DNAL1: variants seen among roughly 807,000 people sequenced by gnomAD.
DNAL1 encodes chromosome 14 open reading frame 168.
Under a neutral mutation model 29.4 loss-of-function variants are expected in DNAL1, and 17 were observed. The ratio of observed to expected loss-of-function variants is 0.58; its 90% CI spans 0.40 to 0.87. DNAL1 has a LOEUF of 0.87. Among genes scored for constraint, DNAL1 ranks in the 40% least tolerant of loss-of-function variants. DNAL1 has a pLI of 0.00. For synonymous variants in DNAL1, 78 were observed against 76.3 expected (o/e 1.02, Z -0.12); for missense variants, 188 against 214.1 (o/e 0.88, Z 0.76).
At chr14:73,653,707 G>A (rs890622303) in intron 1 of DNAL1, among the ~76,000 whole-genome samples, 1 of 152,090 alleles carries the variant, frequency 6.6e-6, no homozygotes, top group Non-Finnish European at 1.5e-5. Context: ...GATTCGTCTT[G>A]AAGAATTGAT....
chr14:73,690,625 C>T (rs1378425758), intron 7 of DNAL1, among the ~76,000 whole-genome samples: 1 of 150,278 alleles, frequency 6.7e-6, no homozygotes, highest in East Asian at 2.0e-4. Flanking sequence ...ACACTCCAGC[C>T]TAGGCAACAA....
intron 2 of DNAL1, among the ~76,000 whole-genome samples, chr14:73,655,385 C>T (rs939102434): frequency 5.3e-5 from 8 of 149,606 alleles, no homozygotes; most frequent in African/African-American, 2.0e-4. Context: ...GCTCTTGTCG[C>T]CCAGGCTGGA....
Position 73,699,323 on chromosome 14 carries a change from T to G in DNAL1, c.*3381T>G, listed in dbSNP as rs1892375136. The G allele has an allele frequency of 6.6e-6, 1 of 151,274 alleles. No individual in the cohort carries two copies. The highest frequency in any genetic ancestry group is 2.1e-4 in the South Asian group (1 of 4,746). 9.4% of individuals were successfully genotyped at this position (151,274 alleles called of 1,614,324 possible). On this transcript the variant is annotated 3_prime_UTR_variant, in exon 8 of 8. Transcript: ENST00000553645. The stretch of plus-strand genomic sequence containing the variant: ...TGTAATGCTCATTTTTTTTTTTTTT[T>G]GAGACAGAGTCTCGCTCTGTTACCT...
At chr14:73,667,494 A>C (rs1891514178) in intron 4 of DNAL1, among the ~76,000 whole-genome samples, 1 of 151,102 alleles carries the variant, frequency 6.6e-6, no homozygotes, top group Non-Finnish European at 1.5e-5. Context: ...AGATAAACCA[A>C]CTCCTTGTGT....
At chr14:73,672,573 A>T (rs1891638552) in intron 5 of DNAL1, among the ~76,000 whole-genome samples, 1 of 137,068 alleles carries the variant, frequency 7.3e-6, no homozygotes, top group African/African-American at 2.8e-5. Context: ...GCGCCACTGC[A>T]CTCCAGCCTG....
In DNAL1 at chr14:73,699,280, A is replaced by G. The variant is rs1049042026; in HGVS notation, c.*3338A>G. 1.3e-5 allele frequency: 2 copies of G among 151,910 alleles called. No homozygotes were observed. Among genetic ancestry groups the G allele is most frequent in the African/African-American group, 4.8e-5 (2 of 41,336 alleles). The allele number at this position is 151,910 out of a possible 1,614,324, so 9.4% of individuals were successfully genotyped here. A position where few individuals can be genotyped will look rare whatever the true frequency, so the allele number is the denominator to read the frequency against. On this transcript the variant is annotated 3_prime_UTR_variant, in exon 8 of 8. Coordinates refer to ENST00000553645, the MANE Select transcript of DNAL1 (RefSeq NM_031427.4). ...ATTCAGTAATCATGGATGGAAAGAAATGGTCACTGGTATTTTTTGTAATGC... is the reference window on the plus strand; with the variant it reads ...ATTCAGTAATCATGGATGGAAAGAAGTGGTCACTGGTATTTTTTGTAATGC...
At chr14:73,650,663 C>A (rs1014177194) in intron 1 of DNAL1, among the ~76,000 whole-genome samples, 1 of 151,900 alleles carries the variant, frequency 6.6e-6, no homozygotes, top group Non-Finnish European at 1.5e-5. Flanking sequence ...TTTTTGGAGA[C>A]GGGAGTCTTG....
rs1162259609 is a variant in DNAL1, at chr14:73,662,006, A to C, written c.172A>C (p.Asn58His). The C allele has an allele frequency of 1.3e-6, 2 of 1,559,738 alleles. No individual in the cohort carries two copies. Among genetic ancestry groups the C allele is most frequent in the Non-Finnish European group, 1.7e-6 (2 of 1,150,844 alleles). The change falls in exon 4 of 8, where the codon AAC (asparagine) becomes CAC (histidine). Residue 58 changes from asparagine to histidine, a missense_variant. Physicochemically the swap from Asn to His is moderately conservative, Grantham distance 68. Coordinates refer to ENST00000553645, the MANE Select transcript of DNAL1 (RefSeq NM_031427.4). The stretch of plus-strand genomic sequence containing the variant: ...TTAAAGGAAGCTTTCACTGTCTACA[A>C]ACTGCATTGAAAAAATTGCCAACCT... ...ANCEKLSLSTNCIEKIANLNG... is the reference protein window; with the variant it reads ...ANCEKLSLSTHCIEKIANLNG...
chr14:73,667,420 T>A (rs1172693020), intron 4 of DNAL1, among the ~76,000 whole-genome samples: 3 of 151,698 alleles, frequency 2.0e-5, no homozygotes, highest in Non-Finnish European at 4.4e-5. Context: ...TGAGCCACAG[T>A]GACTGGCCAA....
At chr14:73,646,906 C>G (rs1890988306) in intron 1 of DNAL1, among the ~76,000 whole-genome samples, 1 of 152,166 alleles carries the variant, frequency 6.6e-6, no homozygotes, top group Admixed American at 6.5e-5. Context: ...AACTAGCAGA[C>G]CTGGGTCCCT....
At chr14:73,670,745 A>ATT (rs553810317) in intron 4 of DNAL1, among the ~76,000 whole-genome samples, 1 of 149,752 alleles carries the variant, frequency 6.7e-6, no homozygotes. Flanking sequence ...TTTTATTATT[A>ATT]TTTTTTTTTG....
intron 2 of DNAL1, among the ~76,000 whole-genome samples, chr14:73,657,000 T>G (rs1441982284): frequency 6.6e-6 from 1 of 152,004 alleles, no homozygotes; most frequent in African/African-American, 2.4e-5. Flanking sequence ...CCCAGGCTGG[T>G]CTCAAACTCC....
At chr14:73,690,320 C>T (rs938062330) in intron 7 of DNAL1, among the ~76,000 whole-genome samples, 2 of 152,078 alleles carry the variant, frequency 1.3e-5, no homozygotes, top group African/African-American at 4.8e-5. Context: ...TCTCACTCTT[C>T]CCTGTATCAC....
chr14:73,648,417 T>TATATATATATATA (rs71112789), intron 1 of DNAL1, among the ~76,000 whole-genome samples: 19 of 132,820 alleles, frequency 1.4e-4, no homozygotes, highest in Middle Eastern at 3.8e-3. Context: ...TATATATATA[T>TATATATATATATA]TTGTTGTTTG....
rs1181312025 is a variant in DNAL1 at position 73,700,721 on chromosome 14, G to A, written c.*4779G>A. 1 of 152,176 alleles carries A rather than the reference G, an allele frequency of 6.6e-6. No homozygotes were observed. 9.4% of individuals were successfully genotyped at this position (152,176 alleles called of 1,614,324 possible). On this transcript the variant is annotated 3_prime_UTR_variant, in exon 8 of 8. Transcript: ENST00000553645. The stretch of plus-strand genomic sequence containing the variant: ...TAAGTGTTGGTAAAGGAAGAAAACT[G>A]CTAAATTGCATGTTACCCTTTACTA...
chr14:73,684,059 T>C (rs1257884937), intron 5 of DNAL1, among the ~76,000 whole-genome samples: 1 of 152,270 alleles, frequency 6.6e-6, no homozygotes. Flanking sequence ...AGTGTCATTC[T>C]GTGTCTGATG....
intron 4 of DNAL1, among the ~76,000 whole-genome samples, chr14:73,664,626 T>C (rs905783786): frequency 6.6e-6 from 1 of 152,140 alleles, no homozygotes; most frequent in East Asian, 1.9e-4. Context: ...CCCAGCACTT[T>C]GGGAGGCTGA....
intron 5 of DNAL1, among the ~76,000 whole-genome samples, chr14:73,681,633 A>AATATATATATATATATATATATATATAT (rs71112793): frequency 5.6e-5 from 2 of 35,416 alleles, no homozygotes; most frequent in African/African-American, 2.2e-4. Context: ...AAAAAAAAAA[A>AATATATATATATATATATATATATATAT]ATATATATAT....
intron 3 of DNAL1, among the ~76,000 whole-genome samples, chr14:73,661,173 T>A (rs2017355): frequency 0.54 from 80,734 of 149,580 alleles, 23,260 homozygotes; most frequent in East Asian, 0.92. Context: ...AAAAAAAAAA[T>A]ATATATATTG....
Sources: gnomAD v4.1 joint callset for allele counts (sites outside exome capture counted in the v4.1 genomes callset) on GRCh38, gnomAD v4.1.1 for gene constraint, MANE v1.5 for transcripts, NCBI Gene and HGNC (gene_info 2026-07-23, HGNC 2026-07-21) for gene names.